LRMDA: variants seen among roughly 807,000 people sequenced by gnomAD.
The protein encoded by LRMDA is leucine-rich melanocyte differentiation-associated protein.
In LRMDA, 18 loss-of-function variants were observed where a neutral mutation model predicts 29.8. The ratio of observed to expected loss-of-function variants is 0.60; its 90% CI spans 0.42 to 0.90. The LOEUF is 0.90. Among genes scored for constraint, LRMDA ranks in the 40% least tolerant of loss-of-function variants. LRMDA has a pLI of 0.00. For missense variants in LRMDA, 273 were observed against 273.9 expected (o/e 1.00, Z 0.02); for synonymous variants, 125 against 109.4 (o/e 1.14, Z -0.89).
intron 5 of LRMDA, among the ~76,000 whole-genome samples, chr10:76,246,205 C>T (rs919427939): frequency 3.3e-5 from 5 of 152,128 alleles, no homozygotes; most frequent in African/African-American, 1.2e-4. Context: ...AATAAGGGAA[C>T]CCAAGGCCCA....
chr10:76,336,208 C>T (rs1345800764), intron 6 of LRMDA, among the ~76,000 whole-genome samples: 2 of 123,496 alleles, frequency 1.6e-5, no homozygotes, highest in African/African-American at 7.9e-5. Flanking sequence ...TTTTCAAATC[C>T]TGACTGGATG....
chr10:76,501,830 T>A (rs542962032), intron 6 of LRMDA, among the ~76,000 whole-genome samples: 2 of 152,150 alleles, frequency 1.3e-5, no homozygotes, highest in African/African-American at 4.8e-5. Flanking sequence ...CTATTGATAG[T>A]TTCTTTTGTT....
chr10:75,577,888 G>A (rs1239638792), intron 2 of LRMDA, among the ~76,000 whole-genome samples: 1 of 151,868 alleles, frequency 6.6e-6, no homozygotes, highest in Non-Finnish European at 1.5e-5. Context: ...CCTGAAGGAA[G>A]CATTAAACAT....
intron 4 of LRMDA, among the ~76,000 whole-genome samples, chr10:76,056,190 G>A (rs1564640924): frequency 6.6e-6 from 1 of 152,284 alleles, no homozygotes; most frequent in East Asian, 1.9e-4. Context: ...ACCCAGAGTG[G>A]GTAGCTCCTC....
intron 2 of LRMDA, among the ~76,000 whole-genome samples, chr10:75,753,588 G>A (rs751247143): frequency 5.9e-5 from 9 of 152,196 alleles, no homozygotes; most frequent in Non-Finnish European, 2.9e-5. Context: ...TGGCTAGGAA[G>A]GTGGGGAACG....
At chr10:76,349,522 C>G (rs1841149457) in intron 6 of LRMDA, among the ~76,000 whole-genome samples, 1 of 151,904 alleles carries the variant, frequency 6.6e-6, no homozygotes, top group South Asian at 2.1e-4. Flanking sequence ...ATAATCATAC[C>G]TATTTGATAT....
intron 2 of LRMDA, among the ~76,000 whole-genome samples, chr10:75,727,131 C>T (rs1222801680): frequency 2.0e-5 from 3 of 152,114 alleles, no homozygotes; most frequent in Non-Finnish European, 4.4e-5. Flanking sequence ...GAGCAATGTC[C>T]CTGGCGTTCG....
intron 6 of LRMDA, among the ~76,000 whole-genome samples, chr10:76,452,338 C>A (rs1842415330): frequency 6.6e-6 from 1 of 152,142 alleles, no homozygotes; most frequent in Admixed American, 6.5e-5. Context: ...GGGTCCAGAA[C>A]ACTTAACTCT....
chr10:76,409,532 C>G (rs901870900), intron 6 of LRMDA, among the ~76,000 whole-genome samples: 1 of 152,098 alleles, frequency 6.6e-6, no homozygotes, highest in Admixed American at 6.5e-5. Context: ...ACCCACAATC[C>G]ATTGCTAACC....
chr10:76,207,130 C>A (rs1851551112), intron 5 of LRMDA, among the ~76,000 whole-genome samples: 1 of 152,046 alleles, frequency 6.6e-6, no homozygotes, highest in Admixed American at 6.6e-5. Flanking sequence ...CTCTGTGCCA[C>A]AACAGGGGTA....
intron 6 of LRMDA, among the ~76,000 whole-genome samples, chr10:76,348,701 A>G (rs1190227160): frequency 6.6e-6 from 1 of 152,202 alleles, no homozygotes; most frequent in African/African-American, 2.4e-5. Flanking sequence ...AACAGCCTTC[A>G]GGAGGCTAAT....
rs563613459 is a variant in LRMDA, at chr10:76,365,692, G to C, written c.601+41207G>C. 9.8e-5 allele frequency among the ~76,000 whole-genome samples: 15 copies of C among 152,294 alleles called. No individual in the cohort carries two copies. The South Asian group carries it at 3.1e-3, about 32-fold the overall frequency. Reference sequence around the variant, plus strand: ...TGTGAAGATTTTCTCCCGCTCTGCGGGTTGTCTGTTTACTCTGCTGACTGT... The same window carrying C: ...TGTGAAGATTTTCTCCCGCTCTGCGCGTTGTCTGTTTACTCTGCTGACTGT... On this transcript the variant is annotated intron_variant, in intron 6 of 6. Transcript: ENST00000611255.
chr10:76,320,550 C>T (rs550759573), intron 5 of LRMDA, among the ~76,000 whole-genome samples: 2 of 152,008 alleles, frequency 1.3e-5, no homozygotes, highest in Non-Finnish European at 2.9e-5. Flanking sequence ...ATTTTTCTCT[C>T]ATTGTGGGTT....
At chr10:76,383,695 GC>G (rs1841624167) in intron 6 of LRMDA, among the ~76,000 whole-genome samples, 1 of 151,900 alleles carries the variant, frequency 6.6e-6, no homozygotes, top group African/African-American at 2.4e-5. Context: ...CTCCCAAAGT[GC>G]TGGGATTACA....
chr10:76,002,572 C>G (rs1043556052), intron 2 of LRMDA, among the ~76,000 whole-genome samples: 1 of 152,142 alleles, frequency 6.6e-6, no homozygotes, highest in African/African-American at 2.4e-5. Context: ...TATAAAGGGT[C>G]CAGCACCCAG....
At chr10:76,430,924 A>G (rs752921671) in intron 6 of LRMDA, among the ~76,000 whole-genome samples, 6 of 152,122 alleles carry the variant, frequency 3.9e-5, no homozygotes, top group South Asian at 2.1e-4. Context: ...GATTATATCC[A>G]TTTCTCCATC....
intron 2 of LRMDA, among the ~76,000 whole-genome samples, chr10:75,907,279 T>C (rs1324566726): frequency 1.3e-5 from 2 of 152,226 alleles, no homozygotes; most frequent in African/African-American, 4.8e-5. Flanking sequence ...TCATGTTTAA[T>C]TGCAAGTTCA....
intron 2 of LRMDA, among the ~76,000 whole-genome samples, chr10:76,027,280 G>A (rs914079669): frequency 6.6e-6 from 1 of 152,104 alleles, no homozygotes; most frequent in Non-Finnish European, 1.5e-5. Flanking sequence ...GGTCACTGGC[G>A]ATTCATACTA....
chr10:75,438,514 T>G lies in LRMDA; in HGVS notation c.131+20T>G. The G allele has an allele frequency of 6.5e-7, 1 of 1,544,554 alleles. No individual in the cohort carries two copies. The highest frequency in any genetic ancestry group is 8.8e-7 in the Non-Finnish European group (1 of 1,141,528). On this transcript the variant is annotated intron_variant, in intron 2 of 6. Transcript: ENST00000611255. ...TCTGAGGTATGTAACCTTCACAAGA[T>G]GTAGGCCAGGCCTGGGAGGCCCAGT...
Sources: allele counts gnomAD v4.1 joint callset (sites outside exome capture counted in the v4.1 genomes callset), GRCh38; gene constraint gnomAD v4.1.1; transcripts MANE v1.5; gene names NCBI Gene and HGNC (gene_info 2026-07-23, HGNC 2026-07-21).